Variants in CWC27 observed in about 807,000 individuals in gnomAD.
CWC27 encodes CWC27 spliceosome associated cyclophilin, also known as spliceosome-associated protein CWC27 homolog.
In CWC27, 47 loss-of-function variants were observed where a neutral mutation model predicts 63.6. The ratio of observed to expected loss-of-function variants is 0.74; its 90% confidence interval spans 0.58 to 0.94. The LOEUF (loss-of-function observed/expected upper bound fraction) is 0.94. Ranked by LOEUF, CWC27 falls within the 40% of genes least tolerant of loss-of-function variation. The pLI is 0.00. For missense variants in CWC27, 495 were observed against 554.3 expected (o/e 0.89, Z 1.07); for synonymous variants, 175 against 179.8 (o/e 0.97, Z 0.22).
At chr5:64,874,075 G>A (rs1435761531) in intron 10 of CWC27, among the ~76,000 whole-genome samples, 1 of 146,780 alleles carries the variant, frequency 6.8e-6, no homozygotes, top group Non-Finnish European at 1.5e-5. Context: ...CTTGATATTT[G>A]TCTGACCAGG....
chr5:64,960,155 T>C (rs186464810), intron 11 of CWC27, among the ~76,000 whole-genome samples: 1 of 152,190 alleles, frequency 6.6e-6, no homozygotes, highest in Non-Finnish European at 1.5e-5. Context: ...CATCGGGATA[T>C]ACCCAGTTGG....
At position 64,977,121 on chromosome 5, in the gene CWC27, A is replaced by G. The variant is rs1458117694; in HGVS notation, c.1153-14A>G. ...TCTTTATCAGAAAACTTAGCAGTCT[A>G]ATTGTTATTTCAGACCCTTGCACTG... On this transcript the variant is annotated splice_polypyrimidine_tract_variant and intron_variant, in intron 12 of 13. Coordinates refer to ENST00000381070, the MANE Select transcript of CWC27 (RefSeq NM_005869.4). 6.6e-7 allele frequency: 1 copy of G among 1,511,998 alleles called. No individual in the cohort carries two copies. 93.7% of individuals were successfully genotyped at this position (1,511,998 alleles called of 1,614,324 possible).
rs1189294628 is a variant in CWC27, at chr5:65,018,723, T to C, written c.*402T>C. On this transcript the variant is annotated 3_prime_UTR_variant, in exon 14 of 14. Coordinates refer to ENST00000381070, the MANE Select transcript of CWC27 (RefSeq NM_005869.4). ...AACCTCCCTTTCACTAACTTCAGAA[T>C]ATAATAAAATATTATAAATAAAATA... 1 of 151,802 alleles carries C rather than the reference T, an allele frequency of 6.6e-6. No homozygotes were observed. The highest frequency in any genetic ancestry group is 1.5e-5 in the Non-Finnish European group (1 of 67,982). The allele number at this position is 151,802 out of a possible 1,614,324, so 9.4% of individuals were successfully genotyped here. A position where few individuals can be genotyped will look rare whatever the true frequency, so the allele number is the denominator to read the frequency against.
At chr5:64,942,177 A>G (rs1397628407) in intron 11 of CWC27, among the ~76,000 whole-genome samples, 1 of 151,872 alleles carries the variant, frequency 6.6e-6, no homozygotes, top group Non-Finnish European at 1.5e-5. Context: ...TATAATCCCA[A>G]TATTTTAGGA....
chr5:64,870,482 T>TA (rs372653084), intron 10 of CWC27, among the ~76,000 whole-genome samples: 126 of 48,342 alleles, frequency 2.6e-3, no homozygotes, highest in Admixed American at 3.4e-3. Context: ...TTAAATTGGT[T>TA]AAAAAAAAAA....
intron 11 of CWC27, among the ~76,000 whole-genome samples, chr5:64,898,040 A>G (rs1391048120): frequency 6.6e-6 from 1 of 152,206 alleles, no homozygotes; most frequent in Non-Finnish European, 1.5e-5. Flanking sequence ...AACAAGTTTG[A>G]TATAATGTAC....
At chr5:64,960,976 G>C (rs1478548702) in intron 11 of CWC27, among the ~76,000 whole-genome samples, 1 of 151,500 alleles carries the variant, frequency 6.6e-6, no homozygotes, top group Admixed American at 6.6e-5. Context: ...ATAGCTCCTT[G>C]ACTCTGGTCC....
intron 13 of CWC27, among the ~76,000 whole-genome samples, chr5:65,006,945 G>A (rs1032776630): frequency 4.6e-5 from 6 of 130,622 alleles, no homozygotes; most frequent in Non-Finnish European, 9.7e-5. Context: ...TAAAATACAC[G>A]TTTATTTAAA....
At chr5:65,011,351 G>A (rs1749952749) in intron 13 of CWC27, among the ~76,000 whole-genome samples, 1 of 152,208 alleles carries the variant, frequency 6.6e-6, no homozygotes, top group African/African-American at 2.4e-5. Context: ...TGCAAGACCA[G>A]AAGAGGGTCT....
chr5:64,972,555 T>C (rs1210466881), intron 12 of CWC27: 1 of 363,392 alleles, frequency 2.8e-6, no homozygotes, highest in African/African-American at 2.2e-5. Flanking sequence ...TATATATATA[T>C]GGACACACCA....
At chr5:64,873,768 TG>T (rs1474345591) in intron 10 of CWC27, among the ~76,000 whole-genome samples, 1 of 152,190 alleles carries the variant, frequency 6.6e-6, no homozygotes, top group Non-Finnish European at 1.5e-5. Context: ...ACCAATGTCC[TG>T]AGGTGTTTTC....
intron 13 of CWC27, among the ~76,000 whole-genome samples, chr5:64,978,915 A>G (rs1749281389): frequency 3.3e-5 from 5 of 152,134 alleles, no homozygotes; most frequent in Admixed American, 3.3e-4. Flanking sequence ...CAGAAGTTTT[A>G]TTTGAAGCTC....
intron 13 of CWC27, 48 bp from the exon 14 acceptor site, chr5:65,018,111 G>C: frequency 6.8e-7 from 1 of 1,476,440 alleles, no homozygotes; most frequent in Non-Finnish European, 9.1e-7. Flanking sequence ...AATTTCTACT[G>C]TAAGTTCCCA....
intron 13 of CWC27, among the ~76,000 whole-genome samples, chr5:65,008,561 G>A (rs1178059179): frequency 1.3e-5 from 2 of 152,192 alleles, no homozygotes; most frequent in Non-Finnish European, 2.9e-5. Flanking sequence ...AATGAAAAAA[G>A]AAGAAAGTGC....
intron 11 of CWC27, among the ~76,000 whole-genome samples, chr5:64,889,219 AAAG>A (rs1430542686): frequency 6.6e-6 from 1 of 152,192 alleles, no homozygotes; most frequent in Non-Finnish European, 1.5e-5. Context: ...GAACAAAAAA[AAAG>A]GATATTAGTG....
intron 10 of CWC27, among the ~76,000 whole-genome samples, chr5:64,805,666 A>G (rs1380627940): frequency 6.6e-6 from 1 of 151,920 alleles, no homozygotes; most frequent in African/African-American, 2.4e-5. Context: ...TGTTCCTTAA[A>G]CTCCCAACTC....
intron 13 of CWC27, among the ~76,000 whole-genome samples, chr5:64,991,232 G>A (rs1749530840): frequency 6.6e-6 from 1 of 151,884 alleles, no homozygotes. Flanking sequence ...TGTTACCTAA[G>A]AGGAAACTTC....
chr5:64,927,661 C>T (rs1242190407), intron 11 of CWC27, among the ~76,000 whole-genome samples: 4 of 152,160 alleles, frequency 2.6e-5, no homozygotes, highest in Non-Finnish European at 5.9e-5. Flanking sequence ...TTTTTCCCCT[C>T]TGCCTCACCC....
chr5:64,796,601 A>T (rs1744271020), intron 7 of CWC27, among the ~76,000 whole-genome samples: 1 of 152,052 alleles, frequency 6.6e-6, no homozygotes, highest in East Asian at 1.9e-4. Context: ...ATATTTTCAT[A>T]GCAACATCTA....
Sources: allele counts gnomAD v4.1 joint callset (sites outside exome capture counted in the v4.1 genomes callset), GRCh38; gene constraint gnomAD v4.1.1; transcripts MANE v1.5; gene names NCBI Gene and HGNC (gene_info 2026-07-23, HGNC 2026-07-21).